LRMDA: variants seen among roughly 807,000 people sequenced by gnomAD.
The protein encoded by LRMDA is leucine rich melanocyte differentiation associated.
A neutral mutation model predicts 29.8 loss-of-function variants in LRMDA; 18 were observed. That is an observed-to-expected ratio of 0.60 (90% CI 0.42 to 0.90). The LOEUF (loss-of-function observed/expected upper bound fraction) is 0.90, where lower values mean the gene tolerates loss of function less well. LRMDA is among the 40% of genes least tolerant of loss of function. The pLI, the probability that LRMDA is intolerant of heterozygous loss-of-function variation, is 0.00. For missense variants in LRMDA, 273 were observed against 273.9 expected, an observed-to-expected ratio of 1.00 and a Z score of 0.02; for synonymous variants, 125 against 109.4, an observed-to-expected ratio of 1.14 and a Z score of -0.89.
chr10:75,786,423 T>C (rs930114046), intron 2 of LRMDA, among the ~76,000 whole-genome samples: 2 of 152,228 alleles, frequency 1.3e-5, no homozygotes, highest in African/African-American at 4.8e-5. Flanking sequence ...CTTTTCATTT[T>C]CAAGCTTAAT....
chr10:75,572,621 G>A (rs1476953372), intron 2 of LRMDA, among the ~76,000 whole-genome samples: 1 of 152,130 alleles, frequency 6.6e-6, no homozygotes, highest in African/African-American at 2.4e-5. Context: ...AACTTTATTT[G>A]AAAATATCTT....
At chr10:75,684,033 GA>G (rs1842054971) in intron 2 of LRMDA, among the ~76,000 whole-genome samples, 1 of 152,190 alleles carries the variant, frequency 6.6e-6, no homozygotes, top group African/African-American at 2.4e-5. Context: ...AAGATCTTTG[GA>G]GATTAGCTCT....
In LRMDA at chr10:76,202,642, T is replaced by G. The variant is rs180963269; in HGVS notation, c.517-121759T>G. On this transcript the variant is annotated intron_variant, in intron 5 of 6. Transcript: ENST00000611255. ...GTCAGGAGCCCTTTAGAAAAAGGAC[T>G]GCAGAATGAAGGAAAGCTAAACCTC... Among the ~76,000 whole-genome samples, 338 of 152,270 alleles carry G rather than the reference T, an allele frequency of 2.2e-3. 2 individuals carry two copies. Among genetic ancestry groups the G allele is most frequent in the African/African-American group, 7.8e-3 (323 of 41,558 alleles).
intron 2 of LRMDA, among the ~76,000 whole-genome samples, chr10:75,640,280 C>T (rs1841436807): frequency 6.6e-6 from 1 of 152,092 alleles, no homozygotes; most frequent in South Asian, 2.1e-4. Context: ...GATGCTGCTT[C>T]CCCCCATTAG....
chr10:75,874,663 T>C (rs979068741), intron 2 of LRMDA, among the ~76,000 whole-genome samples: 1 of 152,212 alleles, frequency 6.6e-6, no homozygotes. Context: ...GGCTCCATAG[T>C]GTAGTGATGT....
intron 2 of LRMDA, among the ~76,000 whole-genome samples, chr10:75,928,224 A>G (rs768428139): frequency 6.6e-6 from 1 of 151,954 alleles, no homozygotes; most frequent in African/African-American, 2.4e-5. Context: ...ATGCTTTACA[A>G]TGGAGGCTGG....
At chr10:75,808,512 C>T (rs1473662348) in intron 2 of LRMDA, among the ~76,000 whole-genome samples, 1 of 152,100 alleles carries the variant, frequency 6.6e-6, no homozygotes, top group Non-Finnish European at 1.5e-5. Flanking sequence ...GATGTTCACA[C>T]TTTTTTTGTT....
At chr10:75,577,553 C>G (rs1840523300) in intron 2 of LRMDA, among the ~76,000 whole-genome samples, 1 of 152,102 alleles carries the variant, frequency 6.6e-6, no homozygotes. Flanking sequence ...TGAAGATACT[C>G]CTGGAGAAGA....
At chr10:76,152,322 A>T (rs1473452998) in intron 5 of LRMDA, among the ~76,000 whole-genome samples, 1 of 152,164 alleles carries the variant, frequency 6.6e-6, no homozygotes, top group Admixed American at 6.5e-5. Flanking sequence ...GTTTTCAAGG[A>T]TGATTCTTAT....
At chr10:75,673,593 C>T (rs1841926375) in intron 2 of LRMDA, among the ~76,000 whole-genome samples, 1 of 152,112 alleles carries the variant, frequency 6.6e-6, no homozygotes, top group Non-Finnish European at 1.5e-5. Context: ...CCTATGTATT[C>T]TCTGAGGACA....
At chr10:76,547,118 G>GT (rs1248199919) in intron 6 of LRMDA, among the ~76,000 whole-genome samples, 1 of 152,002 alleles carries the variant, frequency 6.6e-6, no homozygotes, top group Non-Finnish European at 1.5e-5. Context: ...TTATTTTTAC[G>GT]TTTTTTACTT....
intron 5 of LRMDA, among the ~76,000 whole-genome samples, chr10:76,132,823 GT>G (rs149867036): frequency 0.056 from 8,449 of 151,846 alleles, 764 homozygotes; most frequent in African/African-American, 0.19. Flanking sequence ...GGCGGGGGGG[GT>G]CAGAGTTTCG....
chr10:75,474,445 G>A lies in LRMDA; in HGVS notation c.131+35951G>A, dbSNP rs1367289. The stretch of plus-strand genomic sequence containing the variant: ...TTCTCACTTTAGCATGGCAGAAGGG[G>A]CAAGGGGTCTGTTTGTGGATCCATT... On this transcript the variant is annotated intron_variant, in intron 2 of 6. Coordinates refer to ENST00000611255, the MANE Select transcript of LRMDA (RefSeq NM_001305581.2). Among the ~76,000 whole-genome samples the A allele has an allele frequency of 4.9e-3, 743 of 152,292 alleles. 6 individuals carry two copies. Among genetic ancestry groups the A allele is most frequent in the African/African-American group, 0.017 (711 of 41,552 alleles).
intron 2 of LRMDA, among the ~76,000 whole-genome samples, chr10:75,919,639 A>G (rs1272094496): frequency 2.0e-5 from 3 of 152,176 alleles, no homozygotes; most frequent in Non-Finnish European, 4.4e-5. Flanking sequence ...AGCTCATCTC[A>G]TGAAAACTCA....
At chr10:75,949,368 A>G (rs2132418248) in intron 2 of LRMDA, among the ~76,000 whole-genome samples, 1 of 152,324 alleles carries the variant, frequency 6.6e-6, no homozygotes, top group East Asian at 1.9e-4. Context: ...ATGCCTTGTA[A>G]TGTTTGAGCC....
intron 2 of LRMDA, among the ~76,000 whole-genome samples, chr10:75,902,406 G>A (rs1396789185): frequency 6.6e-6 from 1 of 152,160 alleles, no homozygotes; most frequent in Non-Finnish European, 1.5e-5. Context: ...GATGGAGGAG[G>A]GCCAGAGTGG....
intron 2 of LRMDA, among the ~76,000 whole-genome samples, chr10:75,977,441 C>T (rs1847093041): frequency 6.6e-6 from 1 of 152,148 alleles, no homozygotes; most frequent in African/African-American, 2.4e-5. Flanking sequence ...CCCCCTCTGT[C>T]CAGGGCATCT....
chr10:76,298,302 A>G (rs536558609), intron 5 of LRMDA, among the ~76,000 whole-genome samples: 3 of 152,214 alleles, frequency 2.0e-5, no homozygotes, highest in Non-Finnish European at 4.4e-5. Context: ...CCAGCTGCAT[A>G]TTGGAGAAAT....
chr10:75,892,550 T>C (rs1345282114), intron 2 of LRMDA, among the ~76,000 whole-genome samples: 1 of 152,254 alleles, frequency 6.6e-6, no homozygotes, highest in Non-Finnish European at 1.5e-5. Context: ...ATGTCCTTTT[T>C]ACTAAGTAAT....
Sources: allele counts gnomAD v4.1 joint callset (sites outside exome capture counted in the v4.1 genomes callset), GRCh38; gene constraint gnomAD v4.1.1; transcripts MANE v1.5; gene names NCBI Gene and HGNC (gene_info 2026-07-23, HGNC 2026-07-21).